PARVB: variants seen among roughly 807,000 people sequenced by gnomAD.
PARVB encodes beta-parvin.
PARVB carries 46 observed loss-of-function variants against 47.0 expected under a neutral mutation model. The ratio of observed to expected loss-of-function variants is 0.98; its 90% confidence interval spans 0.77 to 1.25. The LOEUF is 1.25. Ranked by LOEUF, PARVB falls within the 50% of genes most tolerant of loss-of-function variation. The pLI is 0.00. For missense variants in PARVB, 473 were observed against 471.6 expected (o/e 1.00, Z -0.03); for synonymous variants, 196 against 196.3 (o/e 1.00, Z 0.01).
intron 1 of PARVB, among the ~76,000 whole-genome samples, chr22:44,084,528 G>A (rs898976689): frequency 2.0e-5 from 3 of 152,228 alleles, no homozygotes; most frequent in Non-Finnish European, 4.4e-5. Context: ...CCAAGAATAG[G>A]GCACGAGATG....
chr22:44,053,083 CT>C (rs1192961779), intron 1 of PARVB, among the ~76,000 whole-genome samples: 1,835 of 137,540 alleles, frequency 0.013, 12 homozygotes, highest in African/African-American at 0.031. Context: ...TGTTACACAT[CT>C]TTTTTTTTTT....
At chr22:44,001,932 C>T (rs2050416878) in intron 2 of PARVB, among the ~76,000 whole-genome samples, 1 of 152,204 alleles carries the variant, frequency 6.6e-6, no homozygotes, top group Non-Finnish European at 1.5e-5. Context: ...GATGTTTGAA[C>T]ACAGGGTAAA....
At chr22:44,041,565 G>A (rs2051018851) in intron 1 of PARVB, among the ~76,000 whole-genome samples, 1 of 151,996 alleles carries the variant, frequency 6.6e-6, no homozygotes, top group Non-Finnish European at 1.5e-5. Flanking sequence ...ATACTGGGGG[G>A]AAATGACTGG....
chr22:44,087,846 GTT>G (rs57893038), intron 1 of PARVB, among the ~76,000 whole-genome samples: 11 of 121,290 alleles, frequency 9.1e-5, no homozygotes, highest in African/African-American at 2.7e-4. Flanking sequence ...GAACGATGGT[GTT>G]TTTTTTTTTT....
At chr22:44,146,455 C>G (rs139756505) in intron 8 of PARVB, 1 of 152,542 alleles carries the variant, frequency 6.6e-6, no homozygotes, top group African/African-American at 2.4e-5. Context: ...CACACGTACA[C>G]ATACACTTTC....
At chr22:44,124,288 T>C (rs2147140566) in intron 4 of PARVB, among the ~76,000 whole-genome samples, 1 of 152,354 alleles carries the variant, frequency 6.6e-6, no homozygotes, top group East Asian at 1.9e-4. Flanking sequence ...CACAAATGCC[T>C]GTGACGGTGG....
intron 10 of PARVB, chr22:44,152,237 C>T (rs1419224551): frequency 1.3e-5 from 2 of 151,158 alleles, no homozygotes; most frequent in Admixed American, 6.6e-5. Context: ...GCAACCTCCA[C>T]CTCCCGGGTT....
intron 3 of PARVB, chr22:44,112,365 T>G (rs1418107767): frequency 6.6e-6 from 1 of 152,236 alleles, no homozygotes; most frequent in Non-Finnish European, 1.5e-5. Flanking sequence ...TCCTCCCCAC[T>G]CAGCCTGGGG....
At chr22:44,058,134 A>C (rs2051349514) in intron 1 of PARVB, among the ~76,000 whole-genome samples, 1 of 152,210 alleles carries the variant, frequency 6.6e-6, no homozygotes, top group African/African-American at 2.4e-5. Flanking sequence ...CTGACATAAA[A>C]GAGTACCCCA....
At chr22:44,011,366 A>T (rs547177323) in intron 2 of PARVB, among the ~76,000 whole-genome samples, 54 of 152,058 alleles carry the variant, frequency 3.6e-4, no homozygotes, top group African/African-American at 1.0e-3. Flanking sequence ...TAATCCCAGC[A>T]CTTTGGGAGG....
Position 44,151,809 on chromosome 22 carries a change from A to G in PARVB, c.843+258A>G, listed in dbSNP as rs2053816919. The G allele has an allele frequency of 5.7e-5, 25 of 435,292 alleles. No individual in the cohort carries two copies. The South Asian group carries it at 5.9e-4, about 10-fold the overall frequency. 27.0% of individuals were successfully genotyped at this position (435,292 alleles called of 1,614,324 possible). ...TGTCCTCGAAGTGCTGGAGGCCTGAAGTCCAAAATCAAGATGGGGCCTGGG... is the reference window on the plus strand; with the variant it reads ...TGTCCTCGAAGTGCTGGAGGCCTGAGGTCCAAAATCAAGATGGGGCCTGGG... On this transcript the variant is annotated intron_variant, in intron 10 of 12. Transcript: ENST00000338758.
At chr22:44,141,753 A>C (rs2053555900) in intron 8 of PARVB, 1 of 152,140 alleles carries the variant, frequency 6.6e-6, no homozygotes, top group Non-Finnish European at 1.5e-5. Flanking sequence ...TTTCTTTACT[A>C]GACCTTAAGC....
chr22:44,121,178 T>C (rs2053039150), intron 4 of PARVB, among the ~76,000 whole-genome samples: 1 of 152,124 alleles, frequency 6.6e-6, no homozygotes, highest in Non-Finnish European at 1.5e-5. Context: ...AATTTCATTT[T>C]TTTGTGTTAG....
intron 4 of PARVB, among the ~76,000 whole-genome samples, chr22:44,126,907 T>C (rs1322294752): frequency 5.9e-5 from 9 of 152,214 alleles, no homozygotes; most frequent in Non-Finnish European, 5.9e-5. Flanking sequence ...TGCATCTGCA[T>C]CTCAGCCGTG....
intron 1 of PARVB, among the ~76,000 whole-genome samples, chr22:44,074,432 C>T (rs1457506393): frequency 6.6e-6 from 1 of 152,222 alleles, no homozygotes; most frequent in African/African-American, 2.4e-5. Context: ...CCCTGCATGG[C>T]CCCGCTGTCA....
chr22:44,081,831 GC>G (rs1302432638), intron 1 of PARVB, among the ~76,000 whole-genome samples: 4 of 152,144 alleles, frequency 2.6e-5, no homozygotes, highest in Non-Finnish European at 5.9e-5. Context: ...TTCACACCCT[GC>G]CCCCACCTTC....
At chr22:44,117,293 G>GGTCAGGGGA (rs1194891130) in intron 3 of PARVB, among the ~76,000 whole-genome samples, 2 of 152,040 alleles carry the variant, frequency 1.3e-5, no homozygotes, top group Non-Finnish European at 2.9e-5. Context: ...ATCATGTAAG[G>GGTCAGGGGA]GTCAGGGGAG....
intron 10 of PARVB, among the ~76,000 whole-genome samples, chr22:44,153,951 G>A (rs1601692354): frequency 1.3e-5 from 2 of 152,128 alleles, no homozygotes; most frequent in South Asian, 4.1e-4. Flanking sequence ...CTGCTTCCTC[G>A]GAATAAAAGC....
intron 8 of PARVB, chr22:44,142,087 T>C (rs1442283021): frequency 2.0e-5 from 3 of 151,924 alleles, no homozygotes; most frequent in Admixed American, 2.0e-4. Flanking sequence ...GGCCTAAAGA[T>C]GAGGAGAGGG....
Sources: allele counts gnomAD v4.1 joint callset (sites outside exome capture counted in the v4.1 genomes callset), GRCh38; gene constraint gnomAD v4.1.1; transcripts MANE v1.5; gene names NCBI Gene and HGNC (gene_info 2026-07-23, HGNC 2026-07-21).